SUMF1: variants seen among roughly 807,000 people sequenced by gnomAD.
The protein encoded by SUMF1 is formylglycine-generating enzyme.
A neutral mutation model predicts 47.6 loss-of-function variants in SUMF1; 48 were observed. The observed-to-expected ratio is 1.01, with a 90% CI of 0.80 to 1.28. The LOEUF is 1.28. SUMF1 is among the 50% of genes most tolerant of loss of function. The probability of loss-of-function intolerance (pLI) is 0.00; values close to 1 mark genes in which losing one functional copy is unlikely to be tolerated. For synonymous variants in SUMF1, 230 were observed against 192.1 expected (o/e 1.20, Z -1.63); for missense variants, 571 against 485.4 (o/e 1.18, Z -1.66).
chr3:4,203,552 T>A (rs902198484), intron 8 of SUMF1, among the ~76,000 whole-genome samples: 4 of 151,996 alleles, frequency 2.6e-5, no homozygotes, highest in Admixed American at 2.0e-4. Context: ...CCCTGCAATG[T>A]CTTTTAATTG....
intron 8 of SUMF1, among the ~76,000 whole-genome samples, chr3:4,140,875 G>GATT (rs762113843): frequency 6.7e-4 from 102 of 152,156 alleles, no homozygotes; most frequent in Non-Finnish European, 1.1e-3. Flanking sequence ...AAGGAATTGA[G>GATT]ATTATTAGTA....
chr3:4,044,133 T>A (rs1447714525), intron 9 of SUMF1, among the ~76,000 whole-genome samples: 1 of 152,148 alleles, frequency 6.6e-6, no homozygotes, highest in Non-Finnish European at 1.5e-5. Context: ...TAGGGTGTGA[T>A]TGAAGAAAAG....
chr3:4,208,469 C>CAA (rs775554036), intron 8 of SUMF1, among the ~76,000 whole-genome samples: 56,992 of 132,296 alleles, frequency 0.43, 11,429 homozygotes, highest in Middle Eastern at 0.47. Context: ...TTCTAGAAGG[C>CAA]AAAAAAAAAA....
chr3:4,427,830 A>C (rs771972640), intron 3 of SUMF1, among the ~76,000 whole-genome samples: 6 of 152,200 alleles, frequency 3.9e-5, no homozygotes, highest in Non-Finnish European at 8.8e-5. Flanking sequence ...ACTATTGAGA[A>C]TGTGCAAAAA....
In SUMF1 at chr3:4,221,747, G is replaced by A. The variant is rs1275583941; in HGVS notation, c.1015-153002C>T. On this transcript the variant is annotated intron_variant and NMD_transcript_variant, in intron 8 of 12. Transcript: ENST00000448413. ...CATGATGTGTAAAAATCTGTGAGAG[G>A]AAGGTGGATGAGAGATAGTAATCAA... Among the ~76,000 whole-genome samples, 3 of 152,096 alleles carry A rather than the reference G, an allele frequency of 2.0e-5. 1 individual carries two copies. Among genetic ancestry groups the A allele is most frequent in the Non-Finnish European group, 4.4e-5 (3 of 68,024 alleles).
At chr3:4,340,824 C>G (rs1699257162) in intron 8 of SUMF1, among the ~76,000 whole-genome samples, 1 of 152,198 alleles carries the variant, frequency 6.6e-6, no homozygotes, top group South Asian at 2.1e-4. Flanking sequence ...GGAAGAGAAA[C>G]AGCTTGTAGA....
At chr3:4,421,336 T>C (rs1049203851) in intron 3 of SUMF1, among the ~76,000 whole-genome samples, 5 of 152,162 alleles carry the variant, frequency 3.3e-5, no homozygotes, top group Admixed American at 2.6e-4. Context: ...ACAGGACTTA[T>C]GACTATGCCC....
At chr3:4,053,706 G>A (rs1356105493) in intron 9 of SUMF1, among the ~76,000 whole-genome samples, 2 of 152,032 alleles carry the variant, frequency 1.3e-5, no homozygotes, top group African/African-American at 4.8e-5. Flanking sequence ...TTTTTGAAGT[G>A]GAAGGAAATT....
At chr3:4,049,868 G>A (rs1318225400) in intron 9 of SUMF1, among the ~76,000 whole-genome samples, 1 of 152,124 alleles carries the variant, frequency 6.6e-6, no homozygotes, top group Non-Finnish European at 1.5e-5. Context: ...GTATTATTGA[G>A]TGGTGGAAAT....
At chr3:4,043,889 A>T (rs1694959656) in intron 9 of SUMF1, among the ~76,000 whole-genome samples, 1 of 152,180 alleles carries the variant, frequency 6.6e-6, no homozygotes, top group Non-Finnish European at 1.5e-5. Context: ...TTTGCCCTCG[A>T]GGTTATACCA....
rs1279542343 is a variant in SUMF1, at chr3:4,361,346, G to T, written c.*798C>A. On this transcript the variant is annotated 3_prime_UTR_variant, in exon 9 of 9. Coordinates refer to ENST00000272902, the MANE Select transcript of SUMF1 (RefSeq NM_182760.4). ...AGCGCACATTTCACGTTCGCTGAAGGCTTTGGGGAGAGGGGGAAACAGAGC... is the reference window on the plus strand; with the variant it reads ...AGCGCACATTTCACGTTCGCTGAAGTCTTTGGGGAGAGGGGGAAACAGAGC... 6.6e-6 allele frequency: 1 copy of T among 152,604 alleles called. No homozygotes were observed. The highest frequency in any genetic ancestry group is 6.5e-5 in the Admixed American group (1 of 15,282). The allele number at this position is 152,604 out of a possible 1,614,324, so 9.5% of individuals were successfully genotyped here.
chr3:4,304,326 G>C (rs182430826), intron 8 of SUMF1, among the ~76,000 whole-genome samples: 8 of 152,288 alleles, frequency 5.3e-5, no homozygotes, highest in Non-Finnish European at 7.4e-5. Context: ...ATTTTTAGTA[G>C]AGACAGGGTT....
chr3:4,399,658 A>C (rs1268714664), intron 7 of SUMF1, among the ~76,000 whole-genome samples: 3 of 152,206 alleles, frequency 2.0e-5, no homozygotes, highest in African/African-American at 7.2e-5. Flanking sequence ...CCAGGTCATG[A>C]AAAAGATGGA....
chr3:4,251,221 G>T (rs1233820696), intron 8 of SUMF1, among the ~76,000 whole-genome samples: 1 of 152,196 alleles, frequency 6.6e-6, no homozygotes, highest in Non-Finnish European at 1.5e-5. Context: ...CAAGACTTCA[G>T]TGGAGGAAGT....
chr3:4,116,634 C>T (rs1693429318), intron 8 of SUMF1, among the ~76,000 whole-genome samples: 1 of 152,064 alleles, frequency 6.6e-6, no homozygotes, highest in Admixed American at 6.6e-5. Context: ...TCCTTTTTAT[C>T]CTTTCTTTTA....
At chr3:4,193,204 G>A (rs1695357757) in intron 8 of SUMF1, among the ~76,000 whole-genome samples, 2 of 152,116 alleles carry the variant, frequency 1.3e-5, no homozygotes, top group Middle Eastern at 6.8e-3. Flanking sequence ...TATACATGAA[G>A]AACTGAAATT....
chr3:4,069,700 G>A (rs912028731), intron 8 of SUMF1, among the ~76,000 whole-genome samples: 1 of 152,064 alleles, frequency 6.6e-6, no homozygotes, highest in Admixed American at 6.6e-5. Context: ...AGGGGGTCAT[G>A]CTCTATAAAC....
chr3:4,228,489 G>A (rs979545258), intron 8 of SUMF1, among the ~76,000 whole-genome samples: 10 of 152,062 alleles, frequency 6.6e-5, no homozygotes, highest in South Asian at 2.1e-4. Context: ...AGCAGCCCCC[G>A]TGGGGCCAAT....
intron 7 of SUMF1, 83 bp from the exon 8 acceptor site, chr3:4,376,472 A>G (rs764300852): frequency 4.2e-5 from 59 of 1,412,820 alleles, no homozygotes; most frequent in Non-Finnish European, 5.6e-5. Flanking sequence ...CTTTGATCCA[A>G]CCAGCTCTCT....
Sources: gnomAD v4.1 joint callset for allele counts (sites outside exome capture counted in the v4.1 genomes callset) on GRCh38, gnomAD v4.1.1 for gene constraint, MANE v1.5 for transcripts, NCBI Gene and HGNC (gene_info 2026-07-23, HGNC 2026-07-21) for gene names.